The following AATK variants were observed in gnomAD, a reference collection of about 807,000 sequenced individuals.
AATK encodes the protein serine/threonine-protein kinase LMTK1.
Under a neutral mutation model 114.3 loss-of-function variants are expected in AATK, and 91 were observed. The ratio of observed to expected loss-of-function variants is 0.80; its 90% CI spans 0.67 to 0.95. AATK has a LOEUF of 0.95. AATK is among the 40% of genes least tolerant of loss of function. The pLI is 0.00. For missense variants in AATK, 2,176 were observed against 1,965.2 expected (o/e 1.11, Z -2.03); for synonymous variants, 1,075 against 916.5 (o/e 1.17, Z -3.12).
At chr17:81,124,908 C>CGG in intron 8 of AATK, 22 bp downstream of exon 8, 5 of 1,459,262 alleles carry the variant, frequency 3.4e-6, no homozygotes, top group Non-Finnish European at 4.7e-6. Context: ...ATGCCCAGCC[C>CGG]AGCCCACCCC....
Position 81,121,388 on chromosome 17 carries a change from A to AGCT in AATK, c.2545_2547dup (p.Ser850dup), listed in dbSNP as rs2060697861. 1.2e-5 allele frequency: 20 copies of AGCT among 1,609,390 alleles called. No individual in the cohort carries two copies. The highest frequency in any genetic ancestry group is 6.7e-5 in the East Asian group (3 of 44,838). ...CTGCTGGGTGCCTCCACCTCGGGAG[A>AGCT]GCTGCTGCTGCCATTCAGGGCAGAA... On this transcript the variant is annotated inframe_insertion, in exon 11 of 14. Transcript: ENST00000326724.
chr17:81,119,271 C>T (rs894039644), intron 13 of AATK, 109 bp downstream of exon 13: 1 of 1,103,466 alleles, frequency 9.1e-7, no homozygotes, highest in Non-Finnish European at 1.2e-6. Context: ...CGGAGCGGAG[C>T]GGAGCCGGGG....
intron 2 of AATK, chr17:81,131,754 A>C: frequency 8.4e-7 from 1 of 1,188,774 alleles, no homozygotes; most frequent in Non-Finnish European, 1.1e-6. Context: ...CCCATGGCGC[A>C]GCTTCGGGGA....
intron 1 of AATK, among the ~76,000 whole-genome samples, chr17:81,146,483 A>C (rs1196318150): frequency 6.6e-6 from 1 of 152,206 alleles, no homozygotes; most frequent in Non-Finnish European, 1.5e-5. Flanking sequence ...TGGGAGGCCG[A>C]GGTGGGTGGA....
At chr17:81,155,393 A>T (rs141315281) in intron 1 of AATK, among the ~76,000 whole-genome samples, 553 of 26,716 alleles carry the variant, frequency 0.021, 1 homozygote, top group African/African-American at 0.055. Flanking sequence ...TATTATTATT[A>T]TTATTATTTT....
chr17:81,160,280 AC>A, intron 1 of AATK: 2 of 984,766 alleles, frequency 2.0e-6, no homozygotes, highest in Non-Finnish European at 1.2e-6. Flanking sequence ...CGTGGCTGTA[AC>A]CCCAGAGTGA....
At chr17:81,123,767 C>T (rs535244189) in intron 9 of AATK, among the ~76,000 whole-genome samples, 68 of 151,004 alleles carry the variant, frequency 4.5e-4, no homozygotes, top group Admixed American at 3.8e-3. Flanking sequence ...AGAGAGGGGA[C>T]GCCTCAGGCC....
chr17:81,122,811 C>A lies in AATK; in HGVS notation c.1125G>T (p.Met375Ile). The change falls in exon 11 of 14, where the codon ATG (methionine) becomes ATT (isoleucine). Residue 375 changes from methionine (M) to isoleucine (I), a missense_variant. By Grantham distance (10) the Met-to-Ile change is conservative. Transcript: ENST00000326724. Reference sequence around the variant, plus strand: ...GCTCGGGCTGCAGCCAGCAGAACTGCATCACCTCGTACCTGCGAGGAGGTC... The same window carrying A: ...GCTCGGGCTGCAGCCAGCAGAACTGAATCACCTCGTACCTGCGAGGAGGTC... ...LTLSDRWYEV[M>I]QFCWLQPEQR... is the part of the protein sequence containing the mutation. 6.4e-7 allele frequency: 1 copy of A among 1,562,810 alleles called. No individual in the cohort carries two copies. Among genetic ancestry groups the A allele is most frequent in the Non-Finnish European group, 8.7e-7 (1 of 1,153,662 alleles).
chr17:81,154,124 T>G (rs77767329), intron 1 of AATK, among the ~76,000 whole-genome samples: 1 of 151,802 alleles, frequency 6.6e-6, no homozygotes, highest in African/African-American at 2.4e-5. Context: ...AGAAGATGAA[T>G]GTGAGCGTCT....
chr17:81,131,328 C>T, intron 2 of AATK, 123 bp from the exon 3 acceptor site: 6 of 1,329,460 alleles, frequency 4.5e-6, no homozygotes, highest in Non-Finnish European at 6.0e-6. Context: ...GGGTGCTCGG[C>T]CCAGAGTTGG....
intron 3 of AATK, 24 bp downstream of exon 3, chr17:81,131,037 C>G (rs971649367): frequency 6.5e-7 from 1 of 1,544,908 alleles, no homozygotes; most frequent in African/African-American, 1.4e-5. Flanking sequence ...GGGAGGCCAC[C>G]CCATCTCCCC....
chr17:81,138,950 A>G (rs1273610591), intron 1 of AATK, among the ~76,000 whole-genome samples: 20 of 142,640 alleles, frequency 1.4e-4, no homozygotes, highest in East Asian at 2.1e-4. Flanking sequence ...ACACATGCAC[A>G]CCCCCCACAC....
intron 1 of AATK, among the ~76,000 whole-genome samples, chr17:81,141,932 CTTCCTTCCTTCCTTCCTTCCT>C (rs1468639944): frequency 7.4e-5 from 5 of 67,522 alleles, no homozygotes; most frequent in African/African-American, 1.9e-4. Context: ...TCCTTCCTTC[CTTCCTTCCTTCCTTCCTTCCT>C]TTCCTTCCTT....
At chr17:81,140,736 GGCCGGGA>G (rs1422089461) in intron 1 of AATK, among the ~76,000 whole-genome samples, 4,298 of 116,452 alleles carry the variant, frequency 0.037, 977 homozygotes, top group South Asian at 0.06. Context: ...TGAGCCGTGG[GGCCGGGA>G]GACCGTGGGG....
intron 1 of AATK, chr17:81,160,279 AACCCCAGAGTGACCCCCGGGAGG>A: frequency 1.0e-6 from 1 of 984,998 alleles, no homozygotes; most frequent in Non-Finnish European, 1.2e-6. Context: ...CCGTGGCTGT[AACCCCAGAGTGACCCCCGGGAGG>A]ACCCCAGCCC....
In AATK at chr17:81,120,784, C is replaced by T. The variant is rs542828977; in HGVS notation, c.3152G>A (p.Gly1051Asp). The T allele has an allele frequency of 2.6e-6, 4 of 1,567,376 alleles. No homozygotes were observed. The South Asian group carries it at 4.7e-5, about 18-fold the overall frequency. Residue 1051 changes from glycine (G) to aspartate (D), a missense_variant, in exon 11 of 14, where the codon GGC (glycine) becomes GAC (aspartate). This residue lies in a region of AATK where 1,701 missense variants were observed against 1,394.7 expected (regional missense o/e 1.22). Coordinates refer to ENST00000326724, the MANE Select transcript of AATK (RefSeq NM_001080395.3). Reference sequence around the variant, plus strand: ...CAGTGGGGGCAGCACCTCCCCGGGGCCAGAGCCTTGTGCCTCCCCGGAAAC... The same window carrying T: ...CAGTGGGGGCAGCACCTCCCCGGGGTCAGAGCCTTGTGCCTCCCCGGAAAC... The part of the protein sequence containing the change: ...PGVSGEAQGS[G>D]PGEVLPPLLQ...
chr17:81,127,245 G>T (rs987700681), intron 6 of AATK, among the ~76,000 whole-genome samples: 1 of 151,762 alleles, frequency 6.6e-6, no homozygotes, highest in South Asian at 2.1e-4. Flanking sequence ...GAGTGAGGCC[G>T]TGGAGCCCAA....
intron 1 of AATK, among the ~76,000 whole-genome samples, chr17:81,151,875 TAGA>T (rs902955126): frequency 2.6e-5 from 4 of 152,308 alleles, no homozygotes; most frequent in Non-Finnish European, 2.9e-5. Context: ...AACTTAATCA[TAGA>T]AGAAGTGAAA....
chr17:81,153,632 T>C (rs918271621), intron 1 of AATK, among the ~76,000 whole-genome samples: 12 of 152,148 alleles, frequency 7.9e-5, no homozygotes, highest in African/African-American at 2.9e-4. Context: ...TGTTGCTCCG[T>C]CACCAGCACT....
Sources: allele counts gnomAD v4.1 joint callset (sites outside exome capture counted in the v4.1 genomes callset), GRCh38; gene constraint gnomAD v4.1.1; regional missense constraint gnomAD v4.1.1; transcripts MANE v1.5; gene names NCBI Gene and HGNC (gene_info 2026-07-23, HGNC 2026-07-21).